CCDC171: variants seen among roughly 807,000 people sequenced by gnomAD.
CCDC171 encodes the protein coiled-coil domain-containing protein 171.
A neutral mutation model predicts 168.2 loss-of-function variants in CCDC171; 177 were observed. The observed-to-expected ratio is 1.05, with a 90% confidence interval of 0.93 to 1.19. The LOEUF (loss-of-function observed/expected upper bound fraction) is 1.19, where lower values mean the gene tolerates loss of function less well. Among genes scored for constraint, CCDC171 ranks in the 50% most tolerant of loss-of-function variants. The probability of loss-of-function intolerance (pLI) is 0.00; values close to 1 mark genes in which losing one functional copy is unlikely to be tolerated. For synonymous variants in CCDC171, 687 were observed against 540.8 expected (o/e 1.27, Z -3.75); for missense variants, 1,991 against 1,539.0 (o/e 1.29, Z -4.91).
chr9:16,006,574 C>T lies in CCDC171; in HGVS notation n.369-14015C>T, dbSNP rs111444931. Among the ~76,000 whole-genome samples the T allele has an allele frequency of 3.5e-5, 5 of 142,748 alleles. No individual in the cohort carries two copies. The South Asian group carries it at 9.2e-4, about 26-fold the overall frequency. 93.6% of individuals were successfully genotyped at this position (142,748 alleles called of 152,430 possible). A position where few individuals can be genotyped will look rare whatever the true frequency, so the allele number is the denominator to read the frequency against. The stretch of plus-strand genomic sequence containing the variant: ...TTAGGTATCTCTCCTAATGCTATCC[C>T]TCCCCCCTCCCCTCACCCCACCACA... On this transcript the variant is annotated intron_variant and non_coding_transcript_variant, in intron 3 of 9. Coordinates refer to the CCDC171 transcript ENST00000486641.
chr9:16,099,786 A>C, the CCDC171 span, among the ~76,000 whole-genome samples: 1 of 152,232 alleles, frequency 6.6e-6, no homozygotes, highest in Non-Finnish European at 1.5e-5. Context: ...GATTAAGAAA[A>C]AGACTCAAAT....
chr9:15,835,915 A>G (rs754669043), intron 21 of CCDC171, among the ~76,000 whole-genome samples: 2 of 152,168 alleles, frequency 1.3e-5, no homozygotes, highest in East Asian at 3.8e-4. Context: ...TATGTTTTAC[A>G]GTATGGTACC....
chr9:15,822,701 A>G (rs1476051684), intron 21 of CCDC171, among the ~76,000 whole-genome samples: 1 of 152,122 alleles, frequency 6.6e-6, no homozygotes, highest in African/African-American at 2.4e-5. Flanking sequence ...GCTGGAGAGG[A>G]TGTGGAGAAA....
At chr9:16,085,059 C>G in the CCDC171 span, among the ~76,000 whole-genome samples, 3 of 152,212 alleles carry the variant, frequency 2.0e-5, no homozygotes, top group South Asian at 6.2e-4. Context: ...GACAACCAGT[C>G]TAGTAGCCAC....
rs1406330237 is a variant in CCDC171, at chr9:15,820,385, A to T, written c.3268-26317A>T. Among the ~76,000 whole-genome samples the T allele has an allele frequency of 4.3e-5, 5 of 116,138 alleles. 2 individuals are homozygous for T. The South Asian group carries it at 8.4e-4, about 20-fold the overall frequency. 76.2% of individuals were successfully genotyped at this position (116,138 alleles called of 152,430 possible). ...TAGAGGCACAAAAAACCCTTCAAAA[A>T]ATCAATGAATCCAGGAGCTGGTTTT... is the stretch of plus-strand genomic sequence containing the variant. On this transcript the variant is annotated intron_variant, in intron 21 of 25. Transcript: ENST00000380701.
intron 10 of CCDC171, among the ~76,000 whole-genome samples, chr9:15,688,042 C>A (rs1295037501): frequency 2.7e-5 from 4 of 149,018 alleles, no homozygotes; most frequent in African/African-American, 1.0e-4. Flanking sequence ...TCGCTTGAAC[C>A]TGGGAGGCGG....
chr9:15,776,331 C>A (rs866715936), intron 18 of CCDC171: 112 of 152,182 alleles, frequency 7.4e-4, no homozygotes, highest in African/African-American at 2.6e-3. Context: ...AACAAAAGGA[C>A]TGTGTATTTT....
At chr9:15,596,819 G>A (rs1209057328) in intron 6 of CCDC171, among the ~76,000 whole-genome samples, 1 of 151,912 alleles carries the variant, frequency 6.6e-6, no homozygotes, top group Middle Eastern at 3.4e-3. Flanking sequence ...CTTTTATTTT[G>A]TTGAGCAGTG....
At chr9:16,057,243 A>G (rs1336304616) in intron 1 of CCDC171, among the ~76,000 whole-genome samples, 1 of 152,194 alleles carries the variant, frequency 6.6e-6, no homozygotes, top group South Asian at 2.1e-4. Context: ...AAGAACCATG[A>G]AGGTTCAGTT....
chr9:16,080,851 G>A, the CCDC171 span, among the ~76,000 whole-genome samples: 71,043 of 151,948 alleles, frequency 0.47, 18,876 homozygotes, highest in African/African-American at 0.74. Context: ...GCTGCCCCCA[G>A]GCTGTATCTC....
At chr9:15,891,331 C>G (rs1820182389) in intron 24 of CCDC171, among the ~76,000 whole-genome samples, 1 of 152,100 alleles carries the variant, frequency 6.6e-6, no homozygotes, top group South Asian at 2.1e-4. Flanking sequence ...GAACAACTAG[C>G]TCTCAACCCT....
At chr9:15,749,101 A>C (rs1260754291) in intron 18 of CCDC171, among the ~76,000 whole-genome samples, 1 of 151,520 alleles carries the variant, frequency 6.6e-6, no homozygotes, top group Non-Finnish European at 1.5e-5. Flanking sequence ...ACATAGGCTC[A>C]AAATAAAGGG....
At chr9:15,586,688 A>T (rs1407544880) in intron 4 of CCDC171, among the ~76,000 whole-genome samples, 1 of 152,196 alleles carries the variant, frequency 6.6e-6, no homozygotes, top group African/African-American at 2.4e-5. Flanking sequence ...AGTGGAAGTC[A>T]GGAGGTTTAA....
chr9:15,578,291 G>T (rs2131222794), intron 3 of CCDC171, among the ~76,000 whole-genome samples: 1 of 150,026 alleles, frequency 6.7e-6, no homozygotes, highest in African/African-American at 2.4e-5. Flanking sequence ...ATGGAGTGCA[G>T]TGGCATGGTC....
At chr9:15,600,910 T>C (rs555232650) in intron 6 of CCDC171, among the ~76,000 whole-genome samples, 1 of 152,164 alleles carries the variant, frequency 6.6e-6, no homozygotes, top group East Asian at 1.9e-4. Context: ...TGAGCGAGGC[T>C]CCATGGGTGT....
intron 11 of CCDC171, among the ~76,000 whole-genome samples, chr9:15,718,962 A>G (rs2053271745): frequency 6.6e-6 from 1 of 152,182 alleles, no homozygotes; most frequent in South Asian, 2.1e-4. Context: ...ATCCCAGAAA[A>G]CATGACTTCA....
intron 18 of CCDC171, among the ~76,000 whole-genome samples, chr9:15,771,138 C>T (rs780914487): frequency 2.0e-5 from 3 of 151,838 alleles, no homozygotes; most frequent in South Asian, 4.2e-4. Context: ...TTATTTTTTT[C>T]GCCATTTTAA....
chr9:15,564,070 G>C lies in CCDC171; in HGVS notation c.-19G>C. The stretch of plus-strand genomic sequence containing the variant: ...TCATTAAGAAATAGCAGGGTATTTT[G>C]AAAGAGTTGGAAAACATCATGAATT... On this transcript the variant is annotated 5_prime_UTR_variant, in exon 2 of 26. The change abolishes the stop of an existing upstream ORF in the 5' untranslated region. Transcript: ENST00000380701. 1 of 1,590,556 alleles carries C rather than the reference G, an allele frequency of 6.3e-7. No homozygotes were observed. The highest frequency in any genetic ancestry group is 8.6e-7 in the Non-Finnish European group (1 of 1,162,710).
At chr9:15,882,252 C>G (rs1475207560) in intron 24 of CCDC171, among the ~76,000 whole-genome samples, 2 of 152,142 alleles carry the variant, frequency 1.3e-5, no homozygotes, top group East Asian at 3.8e-4. Context: ...TGAGAAATAT[C>G]TATTCAGATC....
Sources: gnomAD v4.1 joint callset for allele counts (sites outside exome capture counted in the v4.1 genomes callset) on GRCh38, gnomAD v4.1.1 for gene constraint, MANE v1.5 for transcripts, NCBI Gene and HGNC (gene_info 2026-07-23, HGNC 2026-07-21) for gene names.